The following RBFOX1 variants were observed in gnomAD, a reference collection of about 807,000 sequenced individuals.
The protein encoded by RBFOX1 is RNA binding fox-1 homolog 1.
Under a neutral mutation model 57.7 loss-of-function variants are expected in RBFOX1, and 8 were observed. The observed-to-expected ratio is 0.14, with a 90% CI of 0.08 to 0.25. The LOEUF is 0.25. Ranked by LOEUF, RBFOX1 falls within the 10% of genes least tolerant of loss-of-function variation. The pLI is 1.00. For missense variants in RBFOX1, 611 were observed against 548.5 expected (o/e 1.11, Z -1.14); for synonymous variants, 326 against 222.4 (o/e 1.47, Z -4.15).
intron 4 of RBFOX1, among the ~76,000 whole-genome samples, chr16:7,333,972 G>C (rs2096738876): frequency 6.6e-6 from 1 of 152,056 alleles, no homozygotes; most frequent in African/African-American, 2.4e-5. Flanking sequence ...CCTTTCTACA[G>C]AAAAGGAAAA....
At chr16:6,290,928 C>G (rs1246362238) in intron 1 of RBFOX1, among the ~76,000 whole-genome samples, 8 of 152,086 alleles carry the variant, frequency 5.3e-5, no homozygotes, top group Non-Finnish European at 1.2e-4. Flanking sequence ...AAAAGAATGG[C>G]TACTCCATAG....
At chr16:5,557,772 C>A (rs1387975186) in intron 2 of RBFOX1, among the ~76,000 whole-genome samples, 1 of 152,296 alleles carries the variant, frequency 6.6e-6, no homozygotes, top group East Asian at 1.9e-4. Flanking sequence ...CCTGAAGACC[C>A]ATGGCTGTAA....
intron 3 of RBFOX1, among the ~76,000 whole-genome samples, chr16:6,815,803 C>G (rs1603628211): frequency 6.6e-6 from 1 of 152,298 alleles, no homozygotes; most frequent in Admixed American, 6.5e-5. Flanking sequence ...TAATAGTTTG[C>G]TCTTAATAGT....
intron 3 of RBFOX1, among the ~76,000 whole-genome samples, chr16:5,730,406 T>A (rs1387461011): frequency 6.6e-6 from 1 of 152,154 alleles, no homozygotes; most frequent in Non-Finnish European, 1.5e-5. Flanking sequence ...AGAGGGTCTG[T>A]AGAGGGCATG....
At chr16:7,009,399 G>A (rs184356759) in intron 3 of RBFOX1, among the ~76,000 whole-genome samples, 10 of 151,288 alleles carry the variant, frequency 6.6e-5, no homozygotes, top group Admixed American at 4.6e-4. Flanking sequence ...AAAATGTCTC[G>A]CCACTGTGAC....
chr16:5,307,911 C>T (rs1596472503), intron 1 of RBFOX1, among the ~76,000 whole-genome samples: 1 of 152,188 alleles, frequency 6.6e-6, no homozygotes, highest in East Asian at 1.9e-4. Context: ...ATCCAGGCCT[C>T]AGGCAATCCT....
intron 1 of RBFOX1, among the ~76,000 whole-genome samples, chr16:6,231,034 G>A (rs1346384147): frequency 6.6e-6 from 1 of 152,200 alleles, no homozygotes; most frequent in Middle Eastern, 3.4e-3. Context: ...GTACATGTTA[G>A]GTATGAAATA....
intron 5 of RBFOX1, among the ~76,000 whole-genome samples, chr16:7,575,654 C>T (rs1463849002): frequency 6.6e-6 from 1 of 152,170 alleles, no homozygotes; most frequent in East Asian, 1.9e-4. Context: ...GATTTCTGTC[C>T]TCTACAACTA....
At chr16:6,009,734 G>T (rs995431680) in intron 4 of RBFOX1, among the ~76,000 whole-genome samples, 2 of 151,856 alleles carry the variant, frequency 1.3e-5, no homozygotes, top group Non-Finnish European at 2.9e-5. Flanking sequence ...TTATTCTGTT[G>T]TTGGACAAAA....
chr16:6,227,303 T>G (rs1474114667), intron 1 of RBFOX1, among the ~76,000 whole-genome samples: 2 of 152,144 alleles, frequency 1.3e-5, no homozygotes, highest in Non-Finnish European at 2.9e-5. Flanking sequence ...TCTAAGAATT[T>G]GAATTTTTTA....
At chr16:6,751,330 A>G (rs2074899092) in intron 3 of RBFOX1, among the ~76,000 whole-genome samples, 1 of 152,116 alleles carries the variant, frequency 6.6e-6, no homozygotes, top group Non-Finnish European at 1.5e-5. Context: ...AGTGCCCTCT[A>G]CCAGAAAAAT....
chr16:7,043,349 A>T (rs548377024), intron 3 of RBFOX1, among the ~76,000 whole-genome samples: 43 of 152,274 alleles, frequency 2.8e-4, no homozygotes, highest in Non-Finnish European at 4.9e-4. Flanking sequence ...AATAAAATGT[A>T]CAATGTGTCA....
At chr16:7,076,049 T>C (rs1169641508) in intron 4 of RBFOX1, among the ~76,000 whole-genome samples, 2 of 151,500 alleles carry the variant, frequency 1.3e-5, no homozygotes, top group Admixed American at 6.6e-5. Flanking sequence ...TTTTTTTTTT[T>C]TCTTTTTTTT....
chr16:6,969,407 A>T (rs1404869580), intron 3 of RBFOX1, among the ~76,000 whole-genome samples: 2 of 150,294 alleles, frequency 1.3e-5, no homozygotes, highest in Non-Finnish European at 2.9e-5. Flanking sequence ...TGCATATTTC[A>T]CAATGAATAA....
At chr16:7,071,439 C>G (rs917113555) in intron 4 of RBFOX1, among the ~76,000 whole-genome samples, 4 of 152,004 alleles carry the variant, frequency 2.6e-5, no homozygotes, top group Admixed American at 2.0e-4. Flanking sequence ...TGTGGCAGAT[C>G]ATTTAAAGGA....
chr16:7,403,017 A>T (rs1028348400), intron 4 of RBFOX1, among the ~76,000 whole-genome samples: 12 of 152,236 alleles, frequency 7.9e-5, no homozygotes, highest in Non-Finnish European at 1.8e-4. Flanking sequence ...CTCCCCGTTC[A>T]CGATGCAGTT....
chr16:6,791,488 T>C (rs759093737), intron 3 of RBFOX1, among the ~76,000 whole-genome samples: 5 of 152,192 alleles, frequency 3.3e-5, no homozygotes, highest in East Asian at 1.9e-4. Flanking sequence ...GCCAGTCACA[T>C]TGGCTCACAC....
chr16:5,447,799 C>T (rs1022783943), intron 1 of RBFOX1, among the ~76,000 whole-genome samples: 2 of 152,226 alleles, frequency 1.3e-5, no homozygotes, highest in Admixed American at 1.3e-4. Flanking sequence ...TGGCTTTGCC[C>T]ACTGCTCAGC....
intron 3 of RBFOX1, among the ~76,000 whole-genome samples, chr16:6,839,503 A>C (rs372720065): frequency 4.6e-5 from 7 of 152,206 alleles, no homozygotes; most frequent in Non-Finnish European, 7.3e-5. Flanking sequence ...TATTATGGAC[A>C]GAAAGGCCAA....
Sources: gnomAD v4.1 joint callset for allele counts (sites outside exome capture counted in the v4.1 genomes callset) on GRCh38, gnomAD v4.1.1 for gene constraint, MANE v1.5 for transcripts, NCBI Gene and HGNC (gene_info 2026-07-23, HGNC 2026-07-21) for gene names.